Variants in LIN9 observed in about 807,000 individuals in gnomAD.
LIN9 encodes the protein lin-9 DREAM MuvB core complex component.
LIN9 carries 18 observed loss-of-function variants against 78.0 expected under a neutral mutation model. That is an observed-to-expected ratio of 0.23 (90% CI 0.16 to 0.34). LIN9 has a LOEUF of 0.34. Among genes scored for constraint, LIN9 ranks in the 10% least tolerant of loss-of-function variants. LIN9 has a pLI of 1.00. For synonymous variants in LIN9, 192 were observed against 215.2 expected, an observed-to-expected ratio of 0.89 and a Z score of 0.94; for missense variants, 451 against 644.1, an observed-to-expected ratio of 0.70 and a Z score of 3.25.
At chr1:226,296,213 C>T (rs1662138865) in intron 3 of LIN9, among the ~76,000 whole-genome samples, 1 of 152,228 alleles carries the variant, frequency 6.6e-6, no homozygotes, top group South Asian at 2.1e-4. Flanking sequence ...CCTTAGTACA[C>T]TGGCAGCCTT....
At position 226,301,060 on chromosome 1, in the gene LIN9, T is replaced by C. The variant is rs561278375; in HGVS notation, c.64+113A>G. ...TAAGGTTATCAGTGAAAACCAATACTGAAAAGCTACAATGAATCATAACTT... is the reference window on the plus strand; with the variant it reads ...TAAGGTTATCAGTGAAAACCAATACCGAAAAGCTACAATGAATCATAACTT... On this transcript the variant is annotated intron_variant, in intron 2 of 14. Transcript: ENST00000681046. 98 of 653,598 alleles carry C rather than the reference T, an allele frequency of 1.5e-4. No homozygotes were observed. The African/African-American group carries it at 1.7e-3, about 11-fold the overall frequency. 40.5% of individuals were successfully genotyped at this position (653,598 alleles called of 1,614,324 possible). A position where few individuals can be genotyped will look rare whatever the true frequency, so the allele number is the denominator to read the frequency against.
intron 12 of LIN9, among the ~76,000 whole-genome samples, chr1:226,238,573 T>C (rs989451790): frequency 2.0e-5 from 3 of 151,848 alleles, no homozygotes; most frequent in African/African-American, 7.3e-5. Flanking sequence ...TTCGCCAAGA[T>C]TGCAAGATTG....
chr1:226,281,612 A>T (rs1163800616), intron 6 of LIN9, among the ~76,000 whole-genome samples: 1 of 152,110 alleles, frequency 6.6e-6, no homozygotes, highest in Admixed American at 6.6e-5. Flanking sequence ...ATATCAATTT[A>T]AAAAATATAC....
At chr1:226,301,936 G>T (rs1472585051) in intron 1 of LIN9, among the ~76,000 whole-genome samples, 1 of 152,262 alleles carries the variant, frequency 6.6e-6, no homozygotes, top group Middle Eastern at 3.4e-3. Flanking sequence ...GGGTATGGGG[G>T]CACGTGCCTA....
At chr1:226,267,318 A>AAATGTATGTATGTATGTATG (rs1553278733) in intron 8 of LIN9, among the ~76,000 whole-genome samples, 5 of 140,876 alleles carry the variant, frequency 3.5e-5, no homozygotes, top group African/African-American at 1.3e-4. Flanking sequence ...TATTATGTAT[A>AAATGTATGTATGTATGTATG]TATGTATGTA....
At chr1:226,236,025 G>C (rs1001460507) in intron 12 of LIN9, among the ~76,000 whole-genome samples, 8 of 152,048 alleles carry the variant, frequency 5.3e-5, no homozygotes, top group Non-Finnish European at 8.8e-5. Context: ...AGTAAATAGA[G>C]AACTTCCTCT....
chr1:226,258,277 G>T (rs1441054107), intron 10 of LIN9, among the ~76,000 whole-genome samples: 1 of 151,804 alleles, frequency 6.6e-6, no homozygotes, highest in Non-Finnish European at 1.5e-5. Flanking sequence ...GAGGCAGGCA[G>T]ATTTCTTGTG....
chr1:226,288,832 C>T (rs912392184), intron 4 of LIN9, among the ~76,000 whole-genome samples: 1 of 152,124 alleles, frequency 6.6e-6, no homozygotes, highest in Non-Finnish European at 1.5e-5. Context: ...ATATCATTTC[C>T]CATAAATTAT....
At chr1:226,268,202 G>T in intron 7 of LIN9, 112 bp from the exon 8 acceptor site, 1 of 969,138 alleles carries the variant, frequency 1.0e-6, no homozygotes, top group Non-Finnish European at 1.4e-6. Context: ...GTCTATTAGA[G>T]TTTCAAAACA....
chr1:226,302,841 G>A (rs1662648657), intron 1 of LIN9, among the ~76,000 whole-genome samples: 1 of 152,166 alleles, frequency 6.6e-6, no homozygotes. Flanking sequence ...TGGCAGTTAT[G>A]AAACACTTCA....
At chr1:226,306,712 C>T (rs953603915) in intron 1 of LIN9, among the ~76,000 whole-genome samples, 2 of 152,100 alleles carry the variant, frequency 1.3e-5, no homozygotes, top group Admixed American at 6.5e-5. Flanking sequence ...AATGTTATAT[C>T]GACTCCTGAA....
Position 226,287,801 on chromosome 1 carries a change from T to C in LIN9, c.265-4A>G, listed in dbSNP as rs749671908. 7.2e-6 allele frequency: 11 copies of C among 1,537,684 alleles called. No individual in the cohort carries two copies. The highest frequency in any genetic ancestry group is 5.8e-5 in the African/African-American group (4 of 68,954). On this transcript the variant is annotated splice_polypyrimidine_tract_variant and splice_region_variant and intron_variant, in intron 4 of 14. Transcript: ENST00000681046. ...TTGACATTGTTGCTGTAAATTTCTATACAATAAAAAAAAGAGATTAATTTA... is the reference window on the plus strand; with the variant it reads ...TTGACATTGTTGCTGTAAATTTCTACACAATAAAAAAAAGAGATTAATTTA...
upstream of LIN9, chr1:226,309,365 G>A (rs1371464599): frequency 7.1e-6 from 7 of 988,800 alleles, no homozygotes; most frequent in South Asian, 2.3e-4. Flanking sequence ...CGCCGCCTCC[G>A]GCCGAGCCGG....
intron 1 of LIN9, chr1:226,308,675 T>C (rs1159961800): frequency 6.5e-6 from 1 of 152,888 alleles, no homozygotes; most frequent in East Asian, 1.9e-4. Flanking sequence ...GACCACCCCG[T>C]GCCCAGCCCG....
chr1:226,261,468 AG>A (rs779727348), intron 10 of LIN9, among the ~76,000 whole-genome samples: 1 of 152,344 alleles, frequency 6.6e-6, no homozygotes, highest in Non-Finnish European at 1.5e-5. Context: ...AACATACAAA[AG>A]TCAATTGCTT....
chr1:226,287,913 T>G (rs1661475482), intron 4 of LIN9, 116 bp from the exon 5 acceptor site: 1 of 665,800 alleles, frequency 1.5e-6, no homozygotes, highest in Non-Finnish European at 2.5e-6. Context: ...AAAGGTTCAC[T>G]GATTCACTGA....
chr1:226,294,132 AC>A (rs1404289240), intron 4 of LIN9, among the ~76,000 whole-genome samples: 1 of 151,678 alleles, frequency 6.6e-6, no homozygotes, highest in East Asian at 1.9e-4. Flanking sequence ...ATGTGGCAAA[AC>A]CCTGTCTCTA....
intron 1 of LIN9, among the ~76,000 whole-genome samples, chr1:226,306,323 CA>C (rs111756973): frequency 6.3e-5 from 9 of 141,790 alleles, no homozygotes; most frequent in East Asian, 2.0e-4. Flanking sequence ...GACTCTGTCT[CA>C]AAAAAAAAAC....
Position 226,288,953 on chromosome 1 carries a change from C to A in LIN9, c.265-1156G>T, listed in dbSNP as rs1162166617. Reference sequence around the variant, plus strand: ...TGCACAAAAATATTTAGGAAAAAATCTTATGCTGGGCGCAGTGGCTCACGC... The same window carrying A: ...TGCACAAAAATATTTAGGAAAAAATATTATGCTGGGCGCAGTGGCTCACGC... On this transcript the variant is annotated intron_variant, in intron 4 of 14. Transcript: ENST00000681046. Among the ~76,000 whole-genome samples, 3 of 152,022 alleles carry A rather than the reference C, an allele frequency of 2.0e-5. No homozygotes were observed. The East Asian group carries it at 5.8e-4, about 29-fold the overall frequency.
Sources: allele counts gnomAD v4.1 joint callset (sites outside exome capture counted in the v4.1 genomes callset), GRCh38; gene constraint gnomAD v4.1.1; transcripts MANE v1.5; gene names NCBI Gene and HGNC (gene_info 2026-07-23, HGNC 2026-07-21).